Variants in ABHD18 observed in about 807,000 individuals in gnomAD.
ABHD18 encodes cardiolipin-specific deacylase, mitochondrial.
A neutral mutation model predicts 65.9 loss-of-function variants in ABHD18; 55 were observed. That is an observed-to-expected ratio of 0.84 (90% CI 0.67 to 1.05). ABHD18 has a LOEUF of 1.05. Among genes scored for constraint, ABHD18 ranks in the 50% least tolerant of loss-of-function variants. The probability of loss-of-function intolerance (pLI) is 0.00; values close to 1 mark genes in which losing one functional copy is unlikely to be tolerated. For synonymous variants in ABHD18, 181 were observed against 180.2 expected, an observed-to-expected ratio of 1.00 and a Z score of -0.04; for missense variants, 533 against 558.5, an observed-to-expected ratio of 0.95 and a Z score of 0.46.
intron 9 of ABHD18, among the ~76,000 whole-genome samples, chr4:128,020,602 G>T (rs985320444): frequency 3.3e-5 from 5 of 152,136 alleles, no homozygotes; most frequent in African/African-American, 1.2e-4. Flanking sequence ...AGCAGAAACC[G>T]CATTGTTTAT....
At chr4:128,021,274 G>C in intron 10 of ABHD18, 36 bp downstream of exon 10, 1 of 1,219,832 alleles carries the variant, frequency 8.2e-7, no homozygotes, top group Non-Finnish European at 1.2e-6. Flanking sequence ...ATTGGTGGTG[G>C]GGGGAGTTGA....
At chr4:128,003,953 A>AG (rs1240789151) in intron 4 of ABHD18, among the ~76,000 whole-genome samples, 2 of 150,878 alleles carry the variant, frequency 1.3e-5, no homozygotes, top group East Asian at 3.9e-4. Context: ...CGATTTAAAA[A>AG]AAAAAAAAAC....
In ABHD18 at chr4:128,038,359, A is replaced by G. The variant is rs1180226140; in HGVS notation, c.*2546A>G. ...ATTACGATTTTCTTATATTATGTAT[A>G]TAGTGAGGTTATATGATTGAATGCT... On this transcript the variant is annotated 3_prime_UTR_variant, in exon 13 of 13. Coordinates refer to ENST00000645843, the MANE Select transcript of ABHD18 (RefSeq NM_001358451.3). 1.3e-5 allele frequency: 2 copies of G among 152,222 alleles called. No homozygotes were observed. Among genetic ancestry groups the G allele is most frequent in the African/African-American group, 4.8e-5 (2 of 41,462 alleles). The allele number at this position is 152,222 out of a possible 1,614,324, so 9.4% of individuals were successfully genotyped here.
intron 2 of ABHD18, 50 bp from the exon 3 acceptor site, chr4:127,984,289 G>T: frequency 9.4e-7 from 1 of 1,059,436 alleles, no homozygotes. Flanking sequence ...GTGCTTAGTA[G>T]GTGATATAAA....
intron 6 of ABHD18, among the ~76,000 whole-genome samples, chr4:128,010,067 G>A (rs113940826): frequency 2.0e-5 from 3 of 152,156 alleles, no homozygotes; most frequent in African/African-American, 7.2e-5. Flanking sequence ...ATAACCTTTA[G>A]TACCTCAATT....
In ABHD18 at chr4:128,036,096, AT is replaced by A. The variant is rs1758860311; in HGVS notation, c.*288del. The A allele has an allele frequency of 4.3e-6, 1 of 234,864 alleles. No individual in the cohort carries two copies. The highest frequency in any genetic ancestry group is 2.2e-5 in the African/African-American group (1 of 44,446). The allele number at this position is 234,864 out of a possible 1,614,324, so 14.5% of individuals were successfully genotyped here. On this transcript the variant is annotated 3_prime_UTR_variant, in exon 13 of 13. Coordinates refer to ENST00000645843, the MANE Select transcript of ABHD18 (RefSeq NM_001358451.3). ...GTTGTTACTGTTTATGAAAAACTAA[AT>A]TTTTAATCATGAATAATTTATTAAA...
intron 1 of ABHD18, among the ~76,000 whole-genome samples, chr4:127,972,366 C>A (rs778913164): frequency 7.2e-5 from 11 of 152,120 alleles, no homozygotes; most frequent in Non-Finnish European, 1.3e-4. Context: ...CAGAGGGTCC[C>A]AAAGTTCCTT....
rs1759198287 is a variant in ABHD18, at chr4:128,039,872, CAGT to C, written c.*4061_*4063del. 1.3e-5 allele frequency: 2 copies of C among 152,046 alleles called. No homozygotes were observed. Among genetic ancestry groups the C allele is most frequent in the Admixed American group, 6.6e-5 (1 of 15,250 alleles). The allele number at this position is 152,046 out of a possible 1,614,324, so 9.4% of individuals were successfully genotyped here. A position where few individuals can be genotyped will look rare whatever the true frequency, so the allele number is the denominator to read the frequency against. ...ATAAGCAAGGGAGGCTCTAGCAGAA[CAGT>C]ATCAGTATCTCTATAAAAATAACCA... is the stretch of plus-strand genomic sequence containing the variant. On this transcript the variant is annotated 3_prime_UTR_variant, in exon 13 of 13. Coordinates refer to ENST00000645843, the MANE Select transcript of ABHD18 (RefSeq NM_001358451.3).
At chr4:128,006,059 C>G (rs1470745060) in intron 4 of ABHD18, among the ~76,000 whole-genome samples, 1 of 152,150 alleles carries the variant, frequency 6.6e-6, no homozygotes, top group African/African-American at 2.4e-5. Flanking sequence ...TTGACCCAGT[C>G]AGCTGTGGCA....
chr4:127,973,176 C>T (rs930232949), intron 1 of ABHD18, among the ~76,000 whole-genome samples: 3 of 151,886 alleles, frequency 2.0e-5, no homozygotes, highest in African/African-American at 4.8e-5. Context: ...CCACCACTCC[C>T]GGGAAAGTTT....
chr4:127,972,580 A>G (rs1051708927), intron 1 of ABHD18, among the ~76,000 whole-genome samples: 16 of 35,240 alleles, frequency 4.5e-4, no homozygotes, highest in African/African-American at 1.9e-3. Flanking sequence ...ATTTTTGTGT[A>G]TTTTTAGTAG....
intron 6 of ABHD18, 24 bp from the exon 7 acceptor site, chr4:128,011,649 T>C (rs1212174505): frequency 1.6e-5 from 24 of 1,533,050 alleles, no homozygotes; most frequent in Non-Finnish European, 2.1e-5. Flanking sequence ...ATTTTAAAAC[T>C]TTCTCTTTGA....
chr4:127,982,109 G>A (rs1053723636), intron 1 of ABHD18, among the ~76,000 whole-genome samples: 3 of 152,112 alleles, frequency 2.0e-5, no homozygotes, highest in African/African-American at 4.8e-5. Context: ...AAAATCTGAA[G>A]CAATGGATAA....
At chr4:128,028,339 A>T in intron 10 of ABHD18, 136 bp from the exon 11 acceptor site, 2 of 648,664 alleles carry the variant, frequency 3.1e-6, no homozygotes, top group Non-Finnish European at 4.8e-6. Flanking sequence ...CATAATGTTT[A>T]ATTGTTTGAA....
At chr4:127,970,699 T>G (rs2149036557) in intron 1 of ABHD18, among the ~76,000 whole-genome samples, 1 of 152,104 alleles carries the variant, frequency 6.6e-6, no homozygotes, top group Middle Eastern at 3.4e-3. Context: ...CTCAGGACTT[T>G]GAGAGGCTGA....
chr4:128,011,752 G>A, intron 7 of ABHD18, 52 bp downstream of exon 7: 1 of 1,310,110 alleles, frequency 7.6e-7, no homozygotes. Context: ...ATATCCAGCA[G>A]TATTAAAATT....
chr4:128,021,055 G>T, intron 9 of ABHD18, 82 bp from the exon 10 acceptor site: 12 of 706,788 alleles, frequency 1.7e-5, no homozygotes, highest in Non-Finnish European at 2.2e-5. Flanking sequence ...AAAAAAGGTA[G>T]TCTCACACAG....
At chr4:128,024,451 C>T (rs541202075) in intron 10 of ABHD18, among the ~76,000 whole-genome samples, 1 of 152,260 alleles carries the variant, frequency 6.6e-6, no homozygotes, top group Non-Finnish European at 1.5e-5. Flanking sequence ...TTTGGCACTT[C>T]TCATCTCACT....
intron 4 of ABHD18, among the ~76,000 whole-genome samples, chr4:127,994,730 G>C (rs917641560): frequency 2.4e-4 from 37 of 152,130 alleles, no homozygotes; most frequent in African/African-American, 8.9e-4. Flanking sequence ...TTATCTTCTG[G>C]TAAAATATTA....
Sources: gnomAD v4.1 joint callset for allele counts (sites outside exome capture counted in the v4.1 genomes callset) on GRCh38, gnomAD v4.1.1 for gene constraint, MANE v1.5 for transcripts, NCBI Gene and HGNC (gene_info 2026-07-23, HGNC 2026-07-21) for gene names.